ROR2: variants seen among roughly 807,000 people sequenced by gnomAD.
ROR2 encodes ROR family WNT receptor 2.
A neutral mutation model predicts 74.9 loss-of-function variants in ROR2; 33 were observed. The ratio of observed to expected loss-of-function variants is 0.44; its 90% CI spans 0.33 to 0.59. The LOEUF (loss-of-function observed/expected upper bound fraction) is 0.59. Ranked by LOEUF, ROR2 falls within the 20% of genes least tolerant of loss-of-function variation. The pLI is 0.02. For missense variants in ROR2, 1,216 were observed against 1,313.8 expected, an observed-to-expected ratio of 0.93 and a Z score of 1.15; for synonymous variants, 586 against 558.7, an observed-to-expected ratio of 1.05 and a Z score of -0.69.
At chr9:91,740,508 C>T (rs1465603267) in intron 4 of ROR2, among the ~76,000 whole-genome samples, 3 of 150,318 alleles carry the variant, frequency 2.0e-5, no homozygotes, top group East Asian at 2.0e-4. Context: ...GCCGAGAATA[C>T]GCCACTGCAC....
intron 1 of ROR2, among the ~76,000 whole-genome samples, chr9:91,779,836 A>AT (rs905110922): frequency 6.6e-6 from 1 of 152,232 alleles, no homozygotes; most frequent in African/African-American, 2.4e-5. Flanking sequence ...AAATTAAAAC[A>AT]TTTTGGAAAA....
intron 1 of ROR2, among the ~76,000 whole-genome samples, chr9:91,939,765 G>T (rs993717950): frequency 6.6e-6 from 1 of 152,116 alleles, no homozygotes; most frequent in Non-Finnish European, 1.5e-5. Context: ...TCCTTTCTAC[G>T]CATTAATACT....
chr9:91,789,074 T>C (rs1826889905), intron 1 of ROR2, among the ~76,000 whole-genome samples: 1 of 152,130 alleles, frequency 6.6e-6, no homozygotes, highest in East Asian at 1.9e-4. Flanking sequence ...TAATGTATAC[T>C]TCACGATAGC....
intron 1 of ROR2, among the ~76,000 whole-genome samples, chr9:91,791,028 A>C (rs1447374899): frequency 2.6e-5 from 4 of 152,222 alleles, no homozygotes; most frequent in Non-Finnish European, 5.9e-5. Context: ...TGAAGAAATA[A>C]ATATTTTTAT....
chr9:91,847,768 T>C (rs779179755), intron 1 of ROR2, among the ~76,000 whole-genome samples: 12 of 152,114 alleles, frequency 7.9e-5, no homozygotes, highest in Non-Finnish European at 1.8e-4. Flanking sequence ...GAAGACATCC[T>C]TCACGTCTTC....
chr9:91,800,495 C>T (rs745589328), intron 1 of ROR2, among the ~76,000 whole-genome samples: 3 of 152,034 alleles, frequency 2.0e-5, no homozygotes, highest in Non-Finnish European at 4.4e-5. Context: ...TGTCCAGAAA[C>T]GTCAACTCCT....
At chr9:91,845,453 G>A (rs1828899573) in intron 1 of ROR2, among the ~76,000 whole-genome samples, 1 of 152,042 alleles carries the variant, frequency 6.6e-6, no homozygotes, top group Non-Finnish European at 1.5e-5. Flanking sequence ...CTCACCACAG[G>A]ACAAGCATAT....
Position 91,806,572 on chromosome 9 carries a change from A to C in ROR2, c.98-30754T>G, listed in dbSNP as rs1331922430. Reference sequence around the variant, plus strand: ...CAAGTTCTATTTTGGACCTTGTGATATTATGATCATATTAGTTTTGTTTGT... The same window carrying C: ...CAAGTTCTATTTTGGACCTTGTGATCTTATGATCATATTAGTTTTGTTTGT... On this transcript the variant is annotated intron_variant, in intron 1 of 8. Coordinates refer to ENST00000375708, the MANE Select transcript of ROR2 (RefSeq NM_004560.4). Among the ~76,000 whole-genome samples the C allele has an allele frequency of 2.0e-5, 3 of 152,046 alleles. No individual in the cohort carries two copies. The East Asian group carries it at 5.8e-4, about 29-fold the overall frequency.
intron 1 of ROR2, among the ~76,000 whole-genome samples, chr9:91,935,122 C>T (rs552615761): frequency 3.9e-5 from 6 of 152,312 alleles, no homozygotes; most frequent in Non-Finnish European, 8.8e-5. Context: ...AAGTCCCCGG[C>T]GGCCACCTGG....
Position 91,885,442 on chromosome 9 carries a change from C to G in ROR2, c.97+64425G>C, listed in dbSNP as rs147748851. ...TTTTAATAAAACCTAATTCTCAGCC[C>G]ATTATCTCCATTCCTTGCACAGAGT... On this transcript the variant is annotated intron_variant, in intron 1 of 8. Coordinates refer to ENST00000375708, the MANE Select transcript of ROR2 (RefSeq NM_004560.4). Among the ~76,000 whole-genome samples, 447 of 152,304 alleles carry G rather than the reference C, an allele frequency of 2.9e-3. 3 individuals are homozygous for G. The highest frequency in any genetic ancestry group is 0.01 in the African/African-American group (416 of 41,564).
chr9:91,819,392 C>T (rs546967433), intron 1 of ROR2, among the ~76,000 whole-genome samples: 2 of 152,288 alleles, frequency 1.3e-5, no homozygotes, highest in African/African-American at 2.4e-5. Context: ...TGACGATGCA[C>T]GTGTCTACGT....
intron 1 of ROR2, among the ~76,000 whole-genome samples, chr9:91,808,450 T>C (rs926755456): frequency 6.6e-6 from 1 of 151,470 alleles, no homozygotes; most frequent in Non-Finnish European, 1.5e-5. Flanking sequence ...GCCAACATGG[T>C]GAAAGCCCGT....
At chr9:91,741,029 C>T (rs1188175302) in intron 4 of ROR2, among the ~76,000 whole-genome samples, 2 of 151,968 alleles carry the variant, frequency 1.3e-5, no homozygotes, top group Non-Finnish European at 1.5e-5. Flanking sequence ...CGGCCGGGTG[C>T]GGTGGCTCAC....
chr9:91,805,555 A>G (rs971767575), intron 1 of ROR2, among the ~76,000 whole-genome samples: 2 of 152,240 alleles, frequency 1.3e-5, no homozygotes, highest in African/African-American at 4.8e-5. Context: ...CACTCTCCAC[A>G]TGAAAGCTGG....
chr9:91,818,537 G>T (rs1269007236), intron 1 of ROR2, among the ~76,000 whole-genome samples: 3 of 150,866 alleles, frequency 2.0e-5, no homozygotes, highest in African/African-American at 7.3e-5. Flanking sequence ...GACCCCTCAG[G>T]TGACATGGCA....
chr9:91,943,544 A>T (rs558191813), intron 1 of ROR2, among the ~76,000 whole-genome samples: 8 of 151,984 alleles, frequency 5.3e-5, no homozygotes, highest in Non-Finnish European at 1.2e-4. Context: ...CACACTTCTT[A>T]TCTGTCTAAT....
intron 1 of ROR2, among the ~76,000 whole-genome samples, chr9:91,864,728 AG>A (rs1449209019): frequency 6.6e-6 from 1 of 151,526 alleles, no homozygotes; most frequent in Non-Finnish European, 1.5e-5. Flanking sequence ...GGATATTTTC[AG>A]GATGTGCTCA....
intron 1 of ROR2, among the ~76,000 whole-genome samples, chr9:91,939,086 T>C (rs1465927852): frequency 2.0e-5 from 3 of 151,976 alleles, no homozygotes; most frequent in African/African-American, 7.3e-5. Context: ...CTGTCTCTAC[T>C]AAAAATACAA....
At chr9:91,860,355 TC>T (rs1226878753) in intron 1 of ROR2, among the ~76,000 whole-genome samples, 1 of 152,118 alleles carries the variant, frequency 6.6e-6, no homozygotes, top group African/African-American at 2.4e-5. Flanking sequence ...CAGGGGAGTT[TC>T]CCATGAGAAA....
Sources: allele counts gnomAD v4.1 joint callset (sites outside exome capture counted in the v4.1 genomes callset), GRCh38; gene constraint gnomAD v4.1.1; transcripts MANE v1.5; gene names NCBI Gene and HGNC (gene_info 2026-07-23, HGNC 2026-07-21).